ITGB2: variants seen among roughly 807,000 people sequenced by gnomAD.
The protein encoded by ITGB2 is integrin beta-2.
A neutral mutation model predicts 86.8 loss-of-function variants in ITGB2; 56 were observed. The ratio of observed to expected loss-of-function variants is 0.65; its 90% CI spans 0.52 to 0.81. ITGB2 has a LOEUF of 0.81. Among genes scored for constraint, ITGB2 ranks in the 30% least tolerant of loss-of-function variants. The probability of loss-of-function intolerance (pLI) is 0.00; values close to 1 mark genes in which losing one functional copy is unlikely to be tolerated. For synonymous variants in ITGB2, 457 were observed against 450.4 expected, an observed-to-expected ratio of 1.01 and a Z score of -0.19; for missense variants, 948 against 1,061.2, an observed-to-expected ratio of 0.89 and a Z score of 1.48.
intron 1 of ITGB2, among the ~76,000 whole-genome samples, chr21:44,915,927 T>C (rs1010502734): frequency 1.3e-5 from 2 of 152,150 alleles, no homozygotes; most frequent in Admixed American, 1.3e-4. Flanking sequence ...TTTTGTTTGT[T>C]TGTTTGTTTT....
chr21:44,892,604 C>CAAAAAAAAAA (rs11327948), intron 10 of ITGB2, among the ~76,000 whole-genome samples: 3 of 71,142 alleles, frequency 4.2e-5, no homozygotes, highest in African/African-American at 5.5e-5. Context: ...AACTCCATCT[C>CAAAAAAAAAA]AAAAAAAAAA....
At chr21:44,913,398 C>T (rs929098682) in intron 1 of ITGB2, among the ~76,000 whole-genome samples, 5 of 152,278 alleles carry the variant, frequency 3.3e-5, no homozygotes, top group South Asian at 2.1e-4. Context: ...CCAGTTACCC[C>T]GGGCACTCCC....
At chr21:44,919,284 G>A (rs970937260) in intron 1 of ITGB2, among the ~76,000 whole-genome samples, 1 of 152,196 alleles carries the variant, frequency 6.6e-6, no homozygotes, top group Non-Finnish European at 1.5e-5. Context: ...CAGGGACGTA[G>A]CCAGGGACCT....
upstream of ITGB2, among the ~76,000 whole-genome samples, chr21:44,924,640 G>A (rs889766034): frequency 5.3e-5 from 8 of 152,044 alleles, no homozygotes; most frequent in South Asian, 2.1e-4. Flanking sequence ...CCAAATTCAC[G>A]GACACAATTG....
At chr21:44,894,807 G>T (rs2083839865) in intron 9 of ITGB2, 164 bp downstream of exon 9, 2 of 679,026 alleles carry the variant, frequency 2.9e-6, no homozygotes, top group Non-Finnish European at 5.4e-6. Context: ...CCGGGCCAGG[G>T]TGTCCTGGAG....
intron 1 of ITGB2, among the ~76,000 whole-genome samples, chr21:44,917,480 A>G (rs1374519498): frequency 6.6e-6 from 1 of 152,214 alleles, no homozygotes; most frequent in Non-Finnish European, 1.5e-5. Context: ...TTATGCTGAA[A>G]TTGCTCCTTC....
At position 44,897,893 on chromosome 21, in the gene ITGB2, C is replaced by T. The variant is rs184190065; in HGVS notation, c.993+1174G>A. 1.0e-3 allele frequency among the ~76,000 whole-genome samples: 153 copies of T among 152,312 alleles called. 1 individual carries two copies. Among genetic ancestry groups the T allele is most frequent in the Non-Finnish European group, 1.6e-3 (110 of 68,016 alleles). On this transcript the variant is annotated intron_variant, in intron 8 of 15. Transcript: ENST00000652462. ...TGGGCGGAGGCTCCTTTCAGGAGGG[C>T]GTGCAGTGTTTCCTTCCTTCTAGCG...
chr21:44,896,326 T>C (rs2083870276), intron 8 of ITGB2, among the ~76,000 whole-genome samples: 1 of 152,230 alleles, frequency 6.6e-6, no homozygotes, highest in Non-Finnish European at 1.5e-5. Context: ...AGCCATCGGC[T>C]CTTGGCACTC....
rs370657844 is a variant in ITGB2, at chr21:44,900,768, C to T, written c.742-293G>A. On this transcript the variant is annotated intron_variant, in intron 6 of 15. Coordinates refer to ENST00000652462, the MANE Select transcript of ITGB2 (RefSeq NM_000211.5). ...TGCACTTCAGAGCTGGGAACAAACC[C>T]TCAGGAAACCATCCCCAAGGGGAAA... 2.5e-4 allele frequency among the ~76,000 whole-genome samples: 38 copies of T among 152,332 alleles called. No individual in the cohort carries two copies. The East Asian group carries it at 3.1e-3, about 12-fold the overall frequency.
chr21:44,893,251 C>T, intron 10 of ITGB2, 153 bp downstream of exon 10: 1 of 862,164 alleles, frequency 1.2e-6, no homozygotes, highest in Non-Finnish European at 1.9e-6. Context: ...TGTGCCCCTC[C>T]CTGCCCCCGT....
Position 44,918,221 on chromosome 21 carries a change from A to G in ITGB2, c.-4+2600T>C, listed in dbSNP as rs2084239917. Among the ~76,000 whole-genome samples, 2 of 152,242 alleles carry G rather than the reference A, an allele frequency of 1.3e-5. 1 individual carries two copies. The highest frequency in any genetic ancestry group is 4.1e-4 in the South Asian group (2 of 4,836). Reference sequence around the variant, plus strand: ...TGGCAGCTGGCATTCTCCTCCGGGAACGGGAGCCAGCCTCCGGTGACATGG... The same window carrying G: ...TGGCAGCTGGCATTCTCCTCCGGGAGCGGGAGCCAGCCTCCGGTGACATGG... On this transcript the variant is annotated intron_variant, in intron 1 of 15. Coordinates refer to ENST00000652462, the MANE Select transcript of ITGB2 (RefSeq NM_000211.5).
At chr21:44,903,586 GTGTC>G (rs2083998903) in intron 4 of ITGB2, 51 bp from the exon 5 acceptor site, 1 of 1,609,234 alleles carries the variant, frequency 6.2e-7, no homozygotes, top group Non-Finnish European at 8.5e-7. Flanking sequence ...CTCACACAGG[GTGTC>G]TGGGGGCGTG....
In ITGB2 at chr21:44,894,964, G is replaced by T. The variant is rs867075981; in HGVS notation, c.1083+7C>A. 1.9e-6 allele frequency: 3 copies of T among 1,582,238 alleles called. No individual in the cohort carries two copies. The African/African-American group carries it at 4.0e-5, about 21-fold the overall frequency. On this transcript the variant is annotated splice_region_variant and intron_variant, in intron 9 of 15. Coordinates refer to ENST00000652462, the MANE Select transcript of ITGB2 (RefSeq NM_000211.5). The stretch of plus-strand genomic sequence containing the variant: ...TGGGTCCCAGCTGAGTGGTGCGGGA[G>T]ACTCACATTGTAAGCATTCTTAATG...
At chr21:44,904,235 C>T (rs2084009042) in intron 4 of ITGB2, among the ~76,000 whole-genome samples, 1 of 152,138 alleles carries the variant, frequency 6.6e-6, no homozygotes, top group African/African-American at 2.4e-5. Context: ...AGTGCAGAGC[C>T]CACTCCACCC....
Position 44,888,845 on chromosome 21 carries a change from C to T in ITGB2, c.1928G>A (p.Cys643Tyr). ...CTGCAGGCCCGGACACGCCGCGCTG[C>T]AGTTCTTCCCAAAGGGGCCCTTTTC... ...KFEKGPFGKNCSAACPGLQLS... is the reference protein window; with the variant it reads ...KFEKGPFGKNYSAACPGLQLS... Residue 643 changes from cysteine to tyrosine, a missense_variant, in exon 14 of 16, where the codon TGC becomes TAC. Cys to Tyr is a radical substitution (Grantham distance 194). Transcript: ENST00000652462. 1 of 1,609,758 alleles carries T rather than the reference C, an allele frequency of 6.2e-7. No homozygotes were observed. Among genetic ancestry groups the T allele is most frequent in the Non-Finnish European group, 8.5e-7 (1 of 1,179,954 alleles).
intron 1 of ITGB2, among the ~76,000 whole-genome samples, chr21:44,915,161 C>T (rs1001725511): frequency 3.9e-5 from 6 of 152,132 alleles, no homozygotes; most frequent in African/African-American, 1.4e-4. Context: ...GTAGCTGGGA[C>T]TACAGGCTCC....
chr21:44,888,560 C>T, intron 14 of ITGB2, 133 bp downstream of exon 14: 2 of 1,027,500 alleles, frequency 1.9e-6, no homozygotes, highest in Non-Finnish European at 2.9e-6. Flanking sequence ...CAAGGGCATC[C>T]CGCATGGCTC....
chr21:44,916,825 A>G (rs1289041737), intron 1 of ITGB2, among the ~76,000 whole-genome samples: 1 of 149,582 alleles, frequency 6.7e-6, no homozygotes, highest in East Asian at 2.0e-4. Flanking sequence ...CTGAGATCTC[A>G]CCTCTGCACT....
At chr21:44,888,959 G>C in intron 13 of ITGB2, 64 bp from the exon 14 acceptor site, 1 of 1,504,760 alleles carries the variant, frequency 6.6e-7, no homozygotes, top group South Asian at 1.2e-5. Flanking sequence ...ACGGGGGCTC[G>C]GGCTTGGGTG....
Sources: allele counts gnomAD v4.1 joint callset (sites outside exome capture counted in the v4.1 genomes callset), GRCh38; gene constraint gnomAD v4.1.1; transcripts MANE v1.5; gene names NCBI Gene and HGNC (gene_info 2026-07-23, HGNC 2026-07-21).